Variants in IL16 observed in about 807,000 individuals in gnomAD.
IL16 encodes the protein pro-interleukin-16.
A neutral mutation model predicts 110.1 loss-of-function variants in IL16; 67 were observed. The ratio of observed to expected loss-of-function variants is 0.61; its 90% CI spans 0.50 to 0.75. The LOEUF is 0.75. Among genes scored for constraint, IL16 ranks in the 30% least tolerant of loss-of-function variants. The pLI, the probability that IL16 is intolerant of heterozygous loss-of-function variation, is 0.00. For synonymous variants in IL16, 689 were observed against 662.9 expected, an observed-to-expected ratio of 1.04 and a Z score of -0.61; for missense variants, 1,545 against 1,655.0, an observed-to-expected ratio of 0.93 and a Z score of 1.15.
intron 1 of IL16, among the ~76,000 whole-genome samples, chr15:81,220,133 T>C (rs1421389860): frequency 6.6e-6 from 1 of 152,116 alleles, no homozygotes; most frequent in Non-Finnish European, 1.5e-5. Context: ...TGGAATCCTA[T>C]TAAAGATACT....
intron 13 of IL16, among the ~76,000 whole-genome samples, chr15:81,298,589 G>A (rs992614458): frequency 6.6e-6 from 1 of 152,206 alleles, no homozygotes; most frequent in Admixed American, 6.5e-5. Context: ...ACCTAGGGGT[G>A]GGCGTCAGTA....
chr15:81,259,006 G>T (rs1158723203), intron 2 of IL16, among the ~76,000 whole-genome samples: 1 of 152,092 alleles, frequency 6.6e-6, no homozygotes, highest in African/African-American at 2.4e-5. Context: ...ATTCCAGGAT[G>T]AGGAGAGATA....
At chr15:81,274,823 G>A (rs1898822442) in intron 6 of IL16, among the ~76,000 whole-genome samples, 1 of 152,208 alleles carries the variant, frequency 6.6e-6, no homozygotes, top group Non-Finnish European at 1.5e-5. Context: ...GCACTATGCA[G>A]AATTACACAT....
intron 2 of IL16, among the ~76,000 whole-genome samples, chr15:81,226,042 C>T (rs1187982090): frequency 1.3e-5 from 2 of 152,152 alleles, no homozygotes; most frequent in African/African-American, 4.8e-5. Flanking sequence ...ATAGAGCATA[C>T]CATAGGCAGG....
chr15:81,211,431 T>C (rs760215593), intron 1 of IL16, among the ~76,000 whole-genome samples: 26 of 152,160 alleles, frequency 1.7e-4, no homozygotes, highest in Admixed American at 4.6e-4. Context: ...TTGCAGTTTT[T>C]AGTAGAGACA....
intron 2 of IL16, among the ~76,000 whole-genome samples, chr15:81,228,953 T>C (rs1455066349): frequency 1.3e-5 from 2 of 152,192 alleles, no homozygotes; most frequent in African/African-American, 2.4e-5. Context: ...ATGGATATTA[T>C]AAGGATAACA....
chr15:81,310,716 T>C lies in IL16; in HGVS notation c.*1918T>C, dbSNP rs1328322847. The C allele has an allele frequency of 1.3e-5, 2 of 152,130 alleles. No homozygotes were observed. Among genetic ancestry groups the C allele is most frequent in the African/African-American group, 4.8e-5 (2 of 41,388 alleles). 9.4% of individuals were successfully genotyped at this position (152,130 alleles called of 1,614,324 possible). ...CTTCCCTAAAATCAGGGAATTGTTT[T>C]AAGTCTTATCAAGCAGCCAAGGGAT... On this transcript the variant is annotated 3_prime_UTR_variant, in exon 19 of 19. Transcript: ENST00000683961.
At chr15:81,243,163 ATTTTTTTTTTTTT>A (rs1219851899) in intron 2 of IL16, among the ~76,000 whole-genome samples, 4 of 15,018 alleles carry the variant, frequency 2.7e-4, no homozygotes, top group South Asian at 5.3e-3. Flanking sequence ...ATATATATAT[ATTTTTTTTTTTTT>A]TTTTTTTTTT....
intron 3 of IL16, 43 bp downstream of exon 3, chr15:81,259,923 G>T: frequency 8.1e-7 from 1 of 1,237,862 alleles, no homozygotes. Flanking sequence ...GAGCTCAGCT[G>T]TTCCTGGATA....
chr15:81,279,101 A>G (rs990481908), intron 7 of IL16, among the ~76,000 whole-genome samples: 1 of 152,246 alleles, frequency 6.6e-6, no homozygotes, highest in African/African-American at 2.4e-5. Context: ...AAACTCTTTA[A>G]TATTTATAAA....
chr15:81,282,153 C>T (rs1899209536), intron 8 of IL16, among the ~76,000 whole-genome samples: 2 of 152,240 alleles, frequency 1.3e-5, no homozygotes, highest in Non-Finnish European at 2.9e-5. Context: ...ACTGGCCTTT[C>T]TGGTCCTGCA....
intron 1 of IL16, among the ~76,000 whole-genome samples, chr15:81,218,165 G>A (rs1896495474): frequency 6.6e-6 from 1 of 152,082 alleles, no homozygotes; most frequent in African/African-American, 2.4e-5. Context: ...AGATCTGCAA[G>A]TTTGCAAGTT....
chr15:81,293,169 C>A, intron 12 of IL16, 132 bp downstream of exon 12: 1 of 991,098 alleles, frequency 1.0e-6, no homozygotes, highest in Non-Finnish European at 1.5e-6. Context: ...GAAACTGTTG[C>A]CTAGGACTCA....
At chr15:81,276,313 C>T (rs780682021) in intron 6 of IL16, among the ~76,000 whole-genome samples, 3 of 152,144 alleles carry the variant, frequency 2.0e-5, no homozygotes, top group Admixed American at 6.5e-5. Flanking sequence ...AAAATAAAGA[C>T]GTGGAAATGC....
chr15:81,306,643 C>T (rs1900580987), intron 18 of IL16, 98 bp downstream of exon 18: 11 of 1,422,702 alleles, frequency 7.7e-6, no homozygotes, highest in Non-Finnish European at 1.1e-5. Flanking sequence ...ATGTTGTTTC[C>T]CACAACTCCA....
intron 1 of IL16, among the ~76,000 whole-genome samples, chr15:81,225,091 C>T (rs367947591): frequency 3.9e-5 from 6 of 152,138 alleles, no homozygotes; most frequent in South Asian, 4.1e-4. Flanking sequence ...CTCCATGACA[C>T]TGGGAGTGGA....
intron 2 of IL16, among the ~76,000 whole-genome samples, chr15:81,249,940 C>A (rs978657834): frequency 6.6e-6 from 1 of 152,108 alleles, no homozygotes; most frequent in Non-Finnish European, 1.5e-5. Flanking sequence ...GTCTAATACA[C>A]TTTTCATCCA....
At chr15:81,256,493 C>T (rs1276806779) in intron 2 of IL16, among the ~76,000 whole-genome samples, 3 of 151,874 alleles carry the variant, frequency 2.0e-5, no homozygotes, top group Non-Finnish European at 2.9e-5. Flanking sequence ...GCCAACATGC[C>T]GGCTAGTTTT....
chr15:81,216,331 G>A (rs1041253004), intron 1 of IL16, among the ~76,000 whole-genome samples: 5 of 152,178 alleles, frequency 3.3e-5, no homozygotes, highest in Non-Finnish European at 5.9e-5. Context: ...GCAAGAGTGA[G>A]GCATCCTTCA....
Sources: allele counts gnomAD v4.1 joint callset (sites outside exome capture counted in the v4.1 genomes callset), GRCh38; gene constraint gnomAD v4.1.1; transcripts MANE v1.5; gene names NCBI Gene and HGNC (gene_info 2026-07-23, HGNC 2026-07-21).